Variants in THSD7B observed in about 807,000 individuals in gnomAD.
The protein encoded by THSD7B is thrombospondin type-1 domain-containing protein 7B.
THSD7B carries 138 observed loss-of-function variants against 213.6 expected under a neutral mutation model. The ratio of observed to expected loss-of-function variants is 0.65; its 90% CI spans 0.56 to 0.74. The LOEUF is 0.74. Among genes scored for constraint, THSD7B ranks in the 30% least tolerant of loss-of-function variants. The pLI is 0.00. For missense variants in THSD7B, 1,931 were observed against 1,991.5 expected (o/e 0.97, Z 0.58); for synonymous variants, 742 against 687.0 (o/e 1.08, Z -1.25).
At chr2:137,198,312 CTT>C in intron 7 of THSD7B, among the ~76,000 whole-genome samples, 1 of 152,138 alleles carries the variant, frequency 6.6e-6, no homozygotes, top group Admixed American at 6.6e-5. Context: ...GGTATTTTCT[CTT>C]TATCTTTCAG....
intron 12 of THSD7B, among the ~76,000 whole-genome samples, chr2:137,350,300 C>T (rs1486919808): frequency 6.6e-6 from 1 of 151,626 alleles, no homozygotes; most frequent in Non-Finnish European, 1.5e-5. Context: ...AATAATTGAG[C>T]CAAGACTGGA....
At chr2:137,171,002 A>G (rs1680238715) in intron 7 of THSD7B, 64 bp downstream of exon 7, 5 of 1,483,894 alleles carry the variant, frequency 3.4e-6, no homozygotes, top group African/African-American at 1.4e-5. Context: ...ACACATGACC[A>G]CCCTTCAATA....
intron 15 of THSD7B, among the ~76,000 whole-genome samples, chr2:137,456,008 TA>T: frequency 6.6e-6 from 1 of 152,344 alleles, no homozygotes; most frequent in Admixed American, 6.5e-5. Context: ...TATGTTTGAA[TA>T]AAAATTTTGT....
At chr2:137,060,525 T>C (rs899541633) in intron 3 of THSD7B, among the ~76,000 whole-genome samples, 1 of 151,828 alleles carries the variant, frequency 6.6e-6, no homozygotes, top group East Asian at 1.9e-4. Flanking sequence ...CATTTTGAGG[T>C]TTTTTGGTGA....
intron 2 of THSD7B, among the ~76,000 whole-genome samples, chr2:136,917,023 A>C (rs755756467): frequency 1.9e-4 from 29 of 152,344 alleles, no homozygotes; most frequent in Admixed American, 5.2e-4. Flanking sequence ...TACCTAGAAA[A>C]ATAGCATTCA....
intron 1 of THSD7B, among the ~76,000 whole-genome samples, chr2:136,846,352 T>C (rs1683010610): frequency 6.6e-6 from 1 of 152,162 alleles, no homozygotes; most frequent in Non-Finnish European, 1.5e-5. Flanking sequence ...TTACCTTTCA[T>C]GCTTAGTGTT....
chr2:137,069,488 C>T lies in THSD7B; in HGVS notation c.950+12258C>T, dbSNP rs77538533. On this transcript the variant is annotated intron_variant, in intron 3 of 27. Coordinates refer to ENST00000409968, the MANE Select transcript of THSD7B (RefSeq NM_001316349.2). ...TTACTTTTACTTTGATAGAGAGGAACGTTTGGTTTGGGCATCCTTTTAAGA... is the reference window on the plus strand; with the variant it reads ...TTACTTTTACTTTGATAGAGAGGAATGTTTGGTTTGGGCATCCTTTTAAGA... 3.6e-3 allele frequency among the ~76,000 whole-genome samples: 554 copies of T among 152,060 alleles called. 3 individuals carry two copies. Among genetic ancestry groups the T allele is most frequent in the Middle Eastern group, 0.027 (8 of 294 alleles).
chr2:137,379,739 G>A (rs756659727), intron 12 of THSD7B, among the ~76,000 whole-genome samples: 1 of 152,206 alleles, frequency 6.6e-6, no homozygotes, highest in Non-Finnish European at 1.5e-5. Flanking sequence ...ATTAAAGTCA[G>A]GGGGAAGAGC....
chr2:137,511,506 G>A (rs900861941), intron 15 of THSD7B, among the ~76,000 whole-genome samples: 5 of 152,304 alleles, frequency 3.3e-5, no homozygotes, highest in Admixed American at 2.0e-4. Context: ...TTCCCTGGAC[G>A]TAAGTGGAAA....
At chr2:137,419,920 C>A (rs960652341) in intron 14 of THSD7B, among the ~76,000 whole-genome samples, 1 of 152,042 alleles carries the variant, frequency 6.6e-6, no homozygotes, top group Non-Finnish European at 1.5e-5. Flanking sequence ...AGTATAGATA[C>A]CCCTTTGCTA....
At chr2:137,115,404 A>C in intron 5 of THSD7B, 111 bp downstream of exon 5, 2 of 1,225,278 alleles carry the variant, frequency 1.6e-6, no homozygotes, top group Non-Finnish European at 2.1e-6. Flanking sequence ...CACACATTTA[A>C]TATTTATTTT....
intron 14 of THSD7B, among the ~76,000 whole-genome samples, chr2:137,444,243 C>T (rs747979629): frequency 2.6e-5 from 4 of 151,928 alleles, no homozygotes; most frequent in Non-Finnish European, 4.4e-5. Context: ...ATACATTCAC[C>T]AAGGCAAGCT....
At chr2:137,485,833 C>A (rs1688428119) in intron 15 of THSD7B, among the ~76,000 whole-genome samples, 1 of 152,012 alleles carries the variant, frequency 6.6e-6, no homozygotes, top group African/African-American at 2.4e-5. Context: ...AGAGTGGGGG[C>A]CAATATTCAA....
At chr2:137,167,293 T>C (rs1680156929) in intron 6 of THSD7B, among the ~76,000 whole-genome samples, 1 of 152,138 alleles carries the variant, frequency 6.6e-6, no homozygotes, top group Non-Finnish European at 1.5e-5. Flanking sequence ...AACCTCCACC[T>C]CCTGGGTTCA....
intron 2 of THSD7B, among the ~76,000 whole-genome samples, chr2:136,996,532 A>T (rs146161907): frequency 6.6e-6 from 1 of 151,802 alleles, no homozygotes; most frequent in Non-Finnish European, 1.5e-5. Context: ...ATTTGTAGAG[A>T]TGGGGTCTTT....
chr2:137,631,947 C>G (rs1272800191), intron 20 of THSD7B, among the ~76,000 whole-genome samples: 2 of 152,100 alleles, frequency 1.3e-5, no homozygotes, highest in African/African-American at 4.8e-5. Flanking sequence ...GGTATAATTA[C>G]TGATGCTAGG....
At chr2:137,318,847 T>C (rs1435892822) in intron 12 of THSD7B, among the ~76,000 whole-genome samples, 1 of 126,168 alleles carries the variant, frequency 7.9e-6, no homozygotes, top group African/African-American at 2.9e-5. Context: ...CAGGCTGGAG[T>C]GCAGTGGTGC....
chr2:137,362,014 A>G (rs1026108724), intron 12 of THSD7B, among the ~76,000 whole-genome samples: 2 of 152,204 alleles, frequency 1.3e-5, no homozygotes, highest in Non-Finnish European at 2.9e-5. Context: ...AGGGAAGCCC[A>G]TCAGACTAAC....
At chr2:137,304,675 T>C (rs1191790345) in intron 12 of THSD7B, among the ~76,000 whole-genome samples, 2 of 152,092 alleles carry the variant, frequency 1.3e-5, no homozygotes, top group Admixed American at 1.3e-4. Flanking sequence ...GAAAACTCTG[T>C]TCTATTAATT....
Sources: allele counts gnomAD v4.1 joint callset (sites outside exome capture counted in the v4.1 genomes callset), GRCh38; gene constraint gnomAD v4.1.1; transcripts MANE v1.5; gene names NCBI Gene and HGNC (gene_info 2026-07-23, HGNC 2026-07-21).